The following ARSD variants were observed in gnomAD, a reference collection of about 807,000 sequenced individuals.
ARSD encodes the protein arylsulfatase D, also known as testis tissue sperm-binding protein Li 39a.
ARSD carries 21 observed loss-of-function variants against 32.6 expected under a neutral mutation model. The observed-to-expected ratio is 0.64, with a 90% CI of 0.46 to 0.93. The LOEUF is 0.93. ARSD is among the 40% of genes least tolerant of loss of function. ARSD has a pLI of 0.00. For synonymous variants in ARSD, 224 were observed against 237.4 expected, an observed-to-expected ratio of 0.94 and a Z score of 0.52; for missense variants, 454 against 520.9, an observed-to-expected ratio of 0.87 and a Z score of 1.25.
intron 9 of ARSD, among the ~76,000 whole-genome samples, chrX:2,908,291 CATCT>C (rs2088870582): frequency 9.0e-6 from 1 of 110,534 alleles, no homozygotes; most frequent in African/African-American, 3.3e-5. Flanking sequence ...ATATATCTAT[CATCT>C]ATCTTATCTA....
chrX:2,912,138 A>G (rs1162780329), intron 6 of ARSD, among the ~76,000 whole-genome samples: 2 of 111,746 alleles, frequency 1.8e-5, no homozygotes, highest in Non-Finnish European at 3.8e-5. Flanking sequence ...GACCCTGTTT[A>G]AAAAAGAAAA....
At chrX:2,923,173 C>T (rs1000897865) in intron 2 of ARSD, 16 of 231,506 alleles carry the variant, frequency 6.9e-5, no homozygotes, top group Non-Finnish European at 9.9e-5. Context: ...CACACCTGGC[C>T]GCTTCAACAC....
At chrX:2,927,416 C>G (rs898327932) in intron 1 of ARSD, among the ~76,000 whole-genome samples, 2 of 110,027 alleles carry the variant, frequency 1.8e-5, no homozygotes, top group African/African-American at 3.3e-5. Context: ...CCTGCCACCA[C>G]GCCCGGCTAA....
Position 2,906,105 on chromosome X carries a change from C to G in ARSD, c.*1166G>C, listed in dbSNP as rs1278597571. The G allele has an allele frequency of 1.9e-5, 2 of 107,455 alleles. No homozygotes were observed. The highest frequency in any genetic ancestry group is 3.9e-5 in the Non-Finnish European group (2 of 51,812). 8.9% of individuals were successfully genotyped at this position (107,455 alleles called of 1,213,427 possible). On this transcript the variant is annotated 3_prime_UTR_variant, in exon 10 of 10. Coordinates refer to ENST00000381154, the MANE Select transcript of ARSD (RefSeq NM_001669.4). ...GATCGGCTCATTACTTGGAAGAGAA[C>G]ACACCCTTCTCTTATTATTTTCTTT...
At chrX:2,907,877 T>C (rs1042768661) in intron 9 of ARSD, 13 of 937,503 alleles carry the variant, frequency 1.4e-5, no homozygotes, top group African/African-American at 2.0e-5. Flanking sequence ...AAGGGACTCA[T>C]TGCAGAGCGC....
Position 2,908,731 on chromosome X carries a change from G to C in ARSD, c.1410C>G (p.His470Gln). 1 of 1,195,545 alleles carries C rather than the reference G, an allele frequency of 8.4e-7. No individual in the cohort carries two copies. ...CGQHLHAARW[H>Q]QKDSGSVWKV... ...GCAGCAGGTACTCACTGTCCTTCTG[G>C]TGCCAGCGTGCTGCGTGAAGATGCT... is the stretch of plus-strand genomic sequence containing the variant. The change falls in exon 9 of 10, where the codon CAC (histidine) becomes CAG (glutamine). Residue 470 changes from histidine to glutamine, a missense_variant. Transcript: ENST00000381154.
At position 2,907,499 on chromosome X, in the gene ARSD, G is replaced by A. The variant is rs762312651; in HGVS notation, c.1554C>T (p.Asp518=). 1 of 1,205,149 alleles carries A rather than the reference G, an allele frequency of 8.3e-7. No individual in the cohort carries two copies. The highest frequency in any genetic ancestry group is 1.8e-5 in the South Asian group (1 of 55,741). The change falls in exon 10 of 10, where the codon GAC becomes GAT. Residue 518 remains aspartate (D), a synonymous_variant. Transcript: ENST00000381154. ...VTHHRPPLLF[D]LSRDPSEARP... ...GTGCCTCGGAGGGGTCCCTGGAGAG[G>A]TCAAAGAGCAAAGGGGGTCTGTGAT...
Position 2,914,441 on chromosome X carries a change from T to C in ARSD, c.1000+1115A>G, listed in dbSNP as rs1223368255. On this transcript the variant is annotated intron_variant, in intron 6 of 9. Coordinates refer to ENST00000381154, the MANE Select transcript of ARSD (RefSeq NM_001669.4). ...GATGGGGGGGGGGGGCGTCTCACTA[T>C]GTTGCCCAGGCTGGTCTTGAACTCC... 6 of 573,437 alleles carry C rather than the reference T, an allele frequency of 1.0e-5. No individual in the cohort carries two copies. In the South Asian group the frequency reaches 1.6e-4, roughly 15 times the overall value. The allele number at this position is 573,437 out of a possible 1,213,427, so 47.3% of individuals were successfully genotyped here.
Position 2,909,912 on chromosome X carries a change from C to T in ARSD, c.1203G>A (p.Val401=). The change falls in exon 8 of 10, where the codon GTG becomes GTA. Residue 401 remains valine (V), a synonymous_variant. Coordinates refer to ENST00000381154, the MANE Select transcript of ARSD (RefSeq NM_001669.4). ...CTCCAATCACTCGGCCGGCCGGGAG[C>T]ACCCCCGGCCAGTGGAAGATCCCGG... ...RVPGIFHWPG[V]LPAGRVIGEP... is the part of the protein sequence containing the mutation. 2 of 1,210,791 alleles carry T rather than the reference C, an allele frequency of 1.7e-6. No individual in the cohort carries two copies. The highest frequency in any genetic ancestry group is 2.2e-6 in the Non-Finnish European group (2 of 895,263).
At chrX:2,915,722 A>G (rs780324056) in intron 5 of ARSD, 30 bp from the exon 6 acceptor site, 88 of 1,183,607 alleles carry the variant, frequency 7.4e-5, no homozygotes, top group East Asian at 3.0e-5. Context: ...TTGAGAATAC[A>G]CAGAATATAC....
chrX:2,914,491 T>A (rs74575071), intron 6 of ARSD: 11 of 874,304 alleles, frequency 1.3e-5, no homozygotes, highest in Non-Finnish European at 1.6e-5. Flanking sequence ...CTCCCTGCCT[T>A]AGCCTCCCAA....
At chrX:2,918,541 G>C (rs947275780) in intron 4 of ARSD, among the ~76,000 whole-genome samples, 2 of 110,998 alleles carry the variant, frequency 1.8e-5, no homozygotes, top group Non-Finnish European at 3.8e-5. Flanking sequence ...ACGAGGTCAG[G>C]AAATCGAGAC....
At chrX:2,918,250 A>G in intron 4 of ARSD, 23 bp from the exon 5 acceptor site, 1 of 1,127,336 alleles carries the variant, frequency 8.9e-7, no homozygotes, top group East Asian at 3.1e-5. Flanking sequence ...CAAATGTTCA[A>G]CAGAGACCCG....
At chrX:2,918,565 A>G (rs779176396) in intron 4 of ARSD, among the ~76,000 whole-genome samples, 43 of 110,392 alleles carry the variant, frequency 3.9e-4, no homozygotes, top group Non-Finnish European at 6.3e-4. Context: ...CCTGGCTAAC[A>G]CGGTGAAACC....
In ARSD at chrX:2,910,684, T is replaced by C. The variant is rs1569086238; in HGVS notation, c.1110A>G (p.Leu370=). 3 of 1,210,421 alleles carry C rather than the reference T, an allele frequency of 2.5e-6. No homozygotes were observed. The highest frequency in any genetic ancestry group is 3.4e-6 in the Non-Finnish European group (3 of 895,339). ...CTTTGTAAATTCCGTTCCATCCCCC[T>C]AACTGGCTGTGTCCATCTCTTGCCT... The part of the protein sequence containing the change: ...HLEARDGHSQ[L]GGWNGIYKGG... The change falls in exon 7 of 10, where the codon TTA becomes TTG. Residue 370 remains leucine, a synonymous_variant. Transcript: ENST00000381154.
intron 6 of ARSD, chrX:2,913,385 C>A: frequency 2.7e-6 from 1 of 375,004 alleles, no homozygotes; most frequent in Non-Finnish European, 3.4e-6. Context: ...GCAAGCCCAA[C>A]CCCCTCTTCC....
chrX:2,929,295 G>T lies in ARSD; in HGVS notation c.-20C>A. On this transcript the variant is annotated 5_prime_UTR_variant, in exon 1 of 10. Transcript: ENST00000381154. The stretch of plus-strand genomic sequence containing the variant: ...TCGCATGGCCGAGCGCTGGCCCAGA[G>T]CGCAGGACCTTGCCCTGCGCACTCC... 1.0e-6 allele frequency: 1 copy of T among 982,224 alleles called. No homozygotes were observed. Among genetic ancestry groups the T allele is most frequent in the Non-Finnish European group, 1.3e-6 (1 of 784,476 alleles). 80.9% of individuals were successfully genotyped at this position (982,224 alleles called of 1,213,427 possible).
chrX:2,927,482 G>T (rs2089095142), intron 1 of ARSD, among the ~76,000 whole-genome samples: 1 of 110,528 alleles, frequency 9.0e-6, no homozygotes, highest in African/African-American at 3.3e-5. Context: ...TAGTAGAGAC[G>T]GGATTTCACC....
In ARSD at chrX:2,907,125, AAG is replaced by A. The variant is rs760360578; in HGVS notation, c.*144_*145del. On this transcript the variant is annotated 3_prime_UTR_variant, in exon 10 of 10. Coordinates refer to ENST00000381154, the MANE Select transcript of ARSD (RefSeq NM_001669.4). ...GAGCGACACTCTGTCTCAAAAAAGA[AAG>A]AAAGAAAGAAAGAAAGTGGGGACCC... 4 of 530,979 alleles carry A rather than the reference AAG, an allele frequency of 7.5e-6. No individual in the cohort carries two copies. In the South Asian group the frequency reaches 1.4e-4, roughly 18 times the overall value. 43.8% of individuals were successfully genotyped at this position (530,979 alleles called of 1,213,427 possible). A position where few individuals can be genotyped will look rare whatever the true frequency, so the allele number is the denominator to read the frequency against.
Sources: gnomAD v4.1 joint callset for allele counts (sites outside exome capture counted in the v4.1 genomes callset) on GRCh38, gnomAD v4.1.1 for gene constraint, MANE v1.5 for transcripts, NCBI Gene and HGNC (gene_info 2026-07-23, HGNC 2026-07-21) for gene names.